Variants in SDAD1 observed in about 807,000 individuals in gnomAD.
SDAD1 encodes the protein SDA1 domain containing 1.
In SDAD1, 79 loss-of-function variants were observed where a neutral mutation model predicts 100.3. That is an observed-to-expected ratio of 0.79 (90% CI 0.66 to 0.95). The LOEUF (loss-of-function observed/expected upper bound fraction) is 0.95, where lower values mean the gene tolerates loss of function less well. SDAD1 is among the 40% of genes least tolerant of loss of function. The probability of loss-of-function intolerance (pLI) is 0.00; values close to 1 mark genes in which losing one functional copy is unlikely to be tolerated. For missense variants in SDAD1, 790 were observed against 810.9 expected, an observed-to-expected ratio of 0.97 and a Z score of 0.31; for synonymous variants, 267 against 271.4, an observed-to-expected ratio of 0.98 and a Z score of 0.16.
Position 75,990,818 on chromosome 4 carries a change from CTTG to C in SDAD1, c.21_23del (p.Asn7del), listed in dbSNP as rs748056436. On this transcript the variant is annotated inframe_deletion, in exon 1 of 22. Transcript: ENST00000356260. ...GTAACTGCGGCAGGTTGCTGGGAAG[CTTG>C]TTGTTGTTTCTGTTGGACATTTTGG... 1.2e-5 allele frequency: 20 copies of C among 1,614,144 alleles called. No homozygotes were observed. The highest frequency in any genetic ancestry group is 1.6e-4 in the Middle Eastern group (1 of 6,062).
In SDAD1 at chr4:75,975,470, T is replaced by C. The variant is rs186828445; in HGVS notation, c.578+274A>G. Among the ~76,000 whole-genome samples the C allele has an allele frequency of 1.2e-3, 183 of 152,312 alleles. No individual in the cohort carries two copies. Among genetic ancestry groups the C allele is most frequent in the Non-Finnish European group, 2.1e-3 (142 of 68,020 alleles). On this transcript the variant is annotated intron_variant, in intron 6 of 21. Coordinates refer to ENST00000356260, the MANE Select transcript of SDAD1 (RefSeq NM_018115.4). ...CTAAGAACTTCCATGTCATTACTTA[T>C]AAAATGGGGATAATTCCAGATAAGC...
chr4:75,950,878 A>C lies in SDAD1; in HGVS notation c.2017-81T>G, dbSNP rs1347275852. On this transcript the variant is annotated intron_variant, in intron 21 of 21. Transcript: ENST00000356260. ...ATTTGGTTACATGAAAGTTTACTAA[A>C]AAGGAATCACCAAGTCAATACACCA... is the stretch of plus-strand genomic sequence containing the variant. 3 of 877,434 alleles carry C rather than the reference A, an allele frequency of 3.4e-6. No homozygotes were observed. In the African/African-American group the frequency reaches 5.0e-5, roughly 15 times the overall value. 54.4% of individuals were successfully genotyped at this position (877,434 alleles called of 1,614,324 possible). A position where few individuals can be genotyped will look rare whatever the true frequency, so the allele number is the denominator to read the frequency against.
chr4:75,960,027 G>A, intron 17 of SDAD1, 39 bp downstream of exon 17: 1 of 1,587,350 alleles, frequency 6.3e-7, no homozygotes. Context: ...GATACTGCAG[G>A]AGTGTTTTGC....
intron 3 of SDAD1, among the ~76,000 whole-genome samples, chr4:75,978,982 GAAAAAA>G (rs538009004): frequency 0.27 from 10,250 of 37,620 alleles, 433 homozygotes; most frequent in African/African-American, 0.35. Flanking sequence ...CCCTGTCTCA[GAAAAAA>G]AAAAAAAAAA....
intron 3 of SDAD1, among the ~76,000 whole-genome samples, 193 bp downstream of exon 3, chr4:75,981,179 G>A (rs1200824522): frequency 6.6e-6 from 1 of 152,146 alleles, no homozygotes; most frequent in South Asian, 2.1e-4. Context: ...AGGCACTTTT[G>A]AGCCAGGTTA....
chr4:75,952,543 A>G (rs1450434091), intron 21 of SDAD1, among the ~76,000 whole-genome samples: 2 of 152,174 alleles, frequency 1.3e-5, no homozygotes, highest in Non-Finnish European at 2.9e-5. Flanking sequence ...ATATTCTAAC[A>G]ATTTACAGTA....
rs183550718 is a variant in SDAD1, at chr4:75,959,477, G to A, written c.1483+589C>T. ...AAATAAGTCAGGCATGGCTGCACAC[G>A]CCTGTAATCCCAGCTACTCAAGATG... is the stretch of plus-strand genomic sequence containing the variant. On this transcript the variant is annotated intron_variant, in intron 17 of 21. Coordinates refer to ENST00000356260, the MANE Select transcript of SDAD1 (RefSeq NM_018115.4). Among the ~76,000 whole-genome samples, 32 of 152,150 alleles carry A rather than the reference G, an allele frequency of 2.1e-4. No individual in the cohort carries two copies. In the East Asian group the frequency reaches 3.3e-3, roughly 16 times the overall value.
chr4:75,950,408 T>C lies in SDAD1; in HGVS notation c.*342A>G. 4.4e-6 allele frequency: 1 copy of C among 227,302 alleles called. No homozygotes were observed. The highest frequency in any genetic ancestry group is 8.9e-6 in the Non-Finnish European group (1 of 111,914). 14.1% of individuals were successfully genotyped at this position (227,302 alleles called of 1,614,324 possible). ...TTACACTGCACTGTAAATACACATA[T>C]GTGTGTCCACCCTCACAGCTAAGCT... On this transcript the variant is annotated 3_prime_UTR_variant, in exon 22 of 22. Transcript: ENST00000356260.
At chr4:75,964,255 G>C in intron 13 of SDAD1, 44 bp from the exon 14 acceptor site, 1 of 1,268,516 alleles carries the variant, frequency 7.9e-7, no homozygotes, top group East Asian at 2.4e-5. Context: ...TTAAATGTCT[G>C]CATACACAAA....
At chr4:75,971,121 A>C (rs1041161854) in intron 9 of SDAD1, among the ~76,000 whole-genome samples, 2 of 152,268 alleles carry the variant, frequency 1.3e-5, no homozygotes, top group Non-Finnish European at 2.9e-5. Context: ...AATACAAGCC[A>C]CCTTGATCAG....
At chr4:75,984,993 A>G (rs911408889) in intron 1 of SDAD1, among the ~76,000 whole-genome samples, 3 of 152,206 alleles carry the variant, frequency 2.0e-5, no homozygotes, top group Non-Finnish European at 4.4e-5. Context: ...AAGTCCCTAC[A>G]TGCTTCAGAT....
intron 4 of SDAD1, 76 bp downstream of exon 4, chr4:75,977,570 A>G: frequency 1.1e-6 from 1 of 889,886 alleles, no homozygotes; most frequent in East Asian, 2.4e-5. Context: ...AATGTAAAGC[A>G]TCGATAATTC....
At chr4:75,975,253 A>G (rs897301299) in intron 6 of SDAD1, among the ~76,000 whole-genome samples, 2 of 152,202 alleles carry the variant, frequency 1.3e-5, no homozygotes, top group African/African-American at 4.8e-5. Context: ...AGTCAATAAG[A>G]AAAGCAAAAG....
intron 8 of SDAD1, among the ~76,000 whole-genome samples, chr4:75,972,688 A>G (rs1360974219): frequency 7.0e-6 from 1 of 143,872 alleles, no homozygotes; most frequent in Non-Finnish European, 1.5e-5. Flanking sequence ...TTAATATTTT[A>G]TGCCATCATG....
In SDAD1 at chr4:75,981,958, G is replaced by A. The variant is rs186513163; in HGVS notation, c.170C>T (p.Ala57Val). ...CTGTGCCATAAACATCACCAGCTCTGCTAGTTCTTTGCTGGGTTTATTTGG... is the reference window on the plus strand; with the variant it reads ...CTGTGCCATAAACATCACCAGCTCTACTAGTTCTTTGCTGGGTTTATTTGG... ...LQPNKPSKEL[A>V]ELVMFMAQIS... is the part of the protein sequence containing the mutation. The change falls in exon 2 of 22, where the codon GCA (alanine) becomes GTA (valine). Residue 57 changes from alanine (A) to valine (V), a missense_variant. By Grantham distance (64) the Ala-to-Val change is moderately conservative (BLOSUM62 0). Coordinates refer to ENST00000356260, the MANE Select transcript of SDAD1 (RefSeq NM_018115.4). 1.1e-5 allele frequency: 17 copies of A among 1,610,550 alleles called. No homozygotes were observed. Among genetic ancestry groups the A allele is most frequent in the East Asian group, 2.2e-5 (1 of 44,796 alleles).
chr4:75,956,333 G>A (rs972657816), intron 20 of SDAD1, among the ~76,000 whole-genome samples, 197 bp from the exon 21 acceptor site: 1 of 151,272 alleles, frequency 6.6e-6, no homozygotes, highest in Non-Finnish European at 1.5e-5. Flanking sequence ...CTCGGTGGAA[G>A]AAAAGTCATA....
At position 75,965,797 on chromosome 4, in the gene SDAD1, A is replaced by G; in HGVS notation, c.1071T>C (p.Ala357=). ...QREVTKILLF[A]AQASHHLVPP... ...GTACTAGGTGATGAGATGCTTGTGCAGCAAACAGAAGGATCTTGGTTACTT... is the reference window on the plus strand; with the variant it reads ...GTACTAGGTGATGAGATGCTTGTGCGGCAAACAGAAGGATCTTGGTTACTT... The change falls in exon 13 of 22, where the codon GCT becomes GCC. Residue 357 remains alanine, a synonymous_variant. Transcript: ENST00000356260. 1 of 1,613,836 alleles carries G rather than the reference A, an allele frequency of 6.2e-7. No homozygotes were observed. Among genetic ancestry groups the G allele is most frequent in the Non-Finnish European group, 8.5e-7 (1 of 1,179,818 alleles).
In SDAD1 at chr4:75,951,442, T is replaced by TA. The variant is rs576885417; in HGVS notation, c.2017-646dup. Among the ~76,000 whole-genome samples the TA allele has an allele frequency of 1.2e-3, 187 of 152,326 alleles. 1 individual carries two copies. The highest frequency in any genetic ancestry group is 2.7e-3 in the Admixed American group (41 of 15,304). ...AATTGAAGCCCTGACAATTGTAGCT[T>TA]ATGGCAAAATATTTATTCTAGTTAA... On this transcript the variant is annotated intron_variant, in intron 21 of 21. Coordinates refer to ENST00000356260, the MANE Select transcript of SDAD1 (RefSeq NM_018115.4).
intron 1 of SDAD1, among the ~76,000 whole-genome samples, chr4:75,989,896 A>G (rs568381549): frequency 6.6e-5 from 10 of 152,338 alleles, no homozygotes; most frequent in Admixed American, 3.3e-4. Flanking sequence ...TGAGAAGGGC[A>G]ATGAAAAAAT....
Sources: gnomAD v4.1 joint callset for allele counts (sites outside exome capture counted in the v4.1 genomes callset) on GRCh38, gnomAD v4.1.1 for gene constraint, MANE v1.5 for transcripts, NCBI Gene and HGNC (gene_info 2026-07-23, HGNC 2026-07-21) for gene names.